The following PDE1A variants were observed in gnomAD, a reference collection of about 807,000 sequenced individuals.
PDE1A encodes phosphodiesterase 1A, also known as dual specificity calcium/calmodulin-dependent 3',5'-cyclic nucleotide phosphodiesterase 1A.
PDE1A carries 35 observed loss-of-function variants against 61.7 expected under a neutral mutation model. That is an observed-to-expected ratio of 0.57 (90% confidence interval 0.43 to 0.75). The LOEUF is 0.75. PDE1A is among the 30% of genes least tolerant of loss of function. The pLI, the probability that PDE1A is intolerant of heterozygous loss-of-function variation, is 0.00. For synonymous variants in PDE1A, 232 were observed against 213.2 expected (o/e 1.09, Z -0.77); for missense variants, 597 against 630.6 (o/e 0.95, Z 0.57).
At position 182,239,774 on chromosome 2, in the gene PDE1A, T is replaced by G. The variant is rs16822918; in HGVS notation, c.350+336A>C. On this transcript the variant is annotated intron_variant, in intron 3 of 13. Coordinates refer to ENST00000351439, the Ensembl canonical transcript of PDE1A. Reference sequence around the variant, plus strand: ...AATGTATTTCATGAAATGTTACATTTTATTCAGGTAAAATTAGTTGTGTAA... The same window carrying G: ...AATGTATTTCATGAAATGTTACATTGTATTCAGGTAAAATTAGTTGTGTAA... 8.7e-3 allele frequency among the ~76,000 whole-genome samples: 1,324 copies of G among 152,346 alleles called. 11 individuals carry two copies. The highest frequency in any genetic ancestry group is 0.011 in the Non-Finnish European group (753 of 68,028).
At chr2:182,509,341 T>C (rs924914332) in intron 2 of PDE1A, among the ~76,000 whole-genome samples, 3 of 152,180 alleles carry the variant, frequency 2.0e-5, no homozygotes, top group Non-Finnish European at 4.4e-5. Flanking sequence ...GTTTCTGACA[T>C]CCAAACCATA....
chr2:182,418,671 C>T (rs1703076750), intron 1 of PDE1A, among the ~76,000 whole-genome samples: 1 of 151,608 alleles, frequency 6.6e-6, no homozygotes, highest in African/African-American at 2.4e-5. Flanking sequence ...GCAAATGCTT[C>T]CTCATATCTA....
intron 2 of PDE1A, among the ~76,000 whole-genome samples, chr2:182,440,718 G>A (rs971650124): frequency 7.3e-5 from 11 of 151,650 alleles, no homozygotes; most frequent in Non-Finnish European, 1.6e-4. Flanking sequence ...CCAATATTAT[G>A]TGTTTAAAAT....
the PDE1A span, among the ~76,000 whole-genome samples, chr2:182,537,703 A>G: frequency 1.3e-5 from 2 of 152,054 alleles, no homozygotes; most frequent in Non-Finnish European, 2.9e-5. Context: ...TATCCATGGA[A>G]AGAAAATTTC....
chr2:182,171,836 T>C (rs1692247258), intron 13 of PDE1A, among the ~76,000 whole-genome samples: 1 of 151,552 alleles, frequency 6.6e-6, no homozygotes, highest in African/African-American at 2.4e-5. Flanking sequence ...TAGCTTACTC[T>C]GCCCCATCAT....
downstream of PDE1A, among the ~76,000 whole-genome samples, chr2:182,165,700 A>G (rs534993157): frequency 6.6e-6 from 1 of 152,306 alleles, no homozygotes; most frequent in East Asian, 1.9e-4. Flanking sequence ...TACAGAATAC[A>G]GAATGGGTAG....
chr2:182,345,619 G>C (rs560774718), intron 1 of PDE1A, among the ~76,000 whole-genome samples: 16 of 152,094 alleles, frequency 1.1e-4, no homozygotes, highest in South Asian at 1.0e-3. Flanking sequence ...AGCTACCCTG[G>C]CTCCCCTGCT....
rs894142909 is a variant in PDE1A, at chr2:182,258,050, C to T, written c.167+6251G>A. On this transcript the variant is annotated intron_variant, in intron 2 of 13. Transcript: ENST00000351439. ...GGGTGTGGTGGCAGGCACCTGTAGTCCCAGCTACGCGGGAGGCTGAGGCAG... is the reference window on the plus strand; with the variant it reads ...GGGTGTGGTGGCAGGCACCTGTAGTTCCAGCTACGCGGGAGGCTGAGGCAG... Among the ~76,000 whole-genome samples the T allele has an allele frequency of 1.1e-4, 16 of 152,144 alleles. 1 individual carries two copies. In the East Asian group the frequency reaches 2.9e-3, roughly 28 times the overall value.
At chr2:182,593,226 T>C in the PDE1A span, among the ~76,000 whole-genome samples, 9 of 152,148 alleles carry the variant, frequency 5.9e-5, no homozygotes, top group Admixed American at 5.9e-4. Context: ...CCCCAAACAA[T>C]CACAAATAGG....
At chr2:182,280,113 T>A (rs2125847428) in intron 1 of PDE1A, among the ~76,000 whole-genome samples, 1 of 151,918 alleles carries the variant, frequency 6.6e-6, no homozygotes, top group Non-Finnish European at 1.5e-5. Context: ...GAATAGTGTA[T>A]GAAGATTACA....
chr2:182,631,259 G>A, the PDE1A span, among the ~76,000 whole-genome samples: 1 of 150,778 alleles, frequency 6.6e-6, no homozygotes, highest in Non-Finnish European at 1.5e-5. Context: ...GCAAAGGAAG[G>A]GTGACTCCAA....
At chr2:182,686,670 C>T in the PDE1A span, among the ~76,000 whole-genome samples, 3 of 152,186 alleles carry the variant, frequency 2.0e-5, no homozygotes, top group Non-Finnish European at 2.9e-5. Context: ...TGGGGCTTGT[C>T]GGACAGTGCA....
At chr2:182,544,357 C>G in the PDE1A span, among the ~76,000 whole-genome samples, 1 of 152,166 alleles carries the variant, frequency 6.6e-6, no homozygotes, top group Non-Finnish European at 1.5e-5. Flanking sequence ...TGTTTATGGT[C>G]AAGTTTTAGT....
At chr2:182,488,512 T>A (rs948834296) in intron 2 of PDE1A, among the ~76,000 whole-genome samples, 5 of 152,192 alleles carry the variant, frequency 3.3e-5, no homozygotes, top group Admixed American at 1.3e-4. Context: ...TGTTTTGTTA[T>A]GCCTTATTTC....
chr2:182,498,852 G>T (rs573948006), intron 2 of PDE1A, among the ~76,000 whole-genome samples: 255 of 152,126 alleles, frequency 1.7e-3, no homozygotes, highest in South Asian at 0.01. Context: ...GCTGAGGCAG[G>T]AGAATGGCGT....
At chr2:182,370,872 A>T (rs566175558) in intron 1 of PDE1A, among the ~76,000 whole-genome samples, 3 of 152,218 alleles carry the variant, frequency 2.0e-5, no homozygotes, top group Non-Finnish European at 4.4e-5. Context: ...TGCTGAAGTT[A>T]CAATCTTTCT....
chr2:182,154,879 A>G (rs1690982505), intron 13 of PDE1A, among the ~76,000 whole-genome samples: 1 of 152,242 alleles, frequency 6.6e-6, no homozygotes, highest in Non-Finnish European at 1.5e-5. Flanking sequence ...ATCTACTTTC[A>G]ATGTGGAATT....
At chr2:182,671,361 T>TTTTTTTTTTTC in the PDE1A span, among the ~76,000 whole-genome samples, 7 of 114,204 alleles carry the variant, frequency 6.1e-5, no homozygotes, top group Non-Finnish European at 8.9e-5. Flanking sequence ...TTTTTTTTTT[T>TTTTTTTTTTTC]GTATTTTTAG....
At chr2:182,609,095 G>A in the PDE1A span, among the ~76,000 whole-genome samples, 2 of 152,092 alleles carry the variant, frequency 1.3e-5, no homozygotes, top group African/African-American at 4.8e-5. Context: ...ACTCTATCTA[G>A]CTCAAGGTTT....
Sources: gnomAD v4.1 joint callset for allele counts (sites outside exome capture counted in the v4.1 genomes callset) on GRCh38, gnomAD v4.1.1 for gene constraint, MANE v1.5 for transcripts, NCBI Gene and HGNC (gene_info 2026-07-23, HGNC 2026-07-21) for gene names.